VAMP7: variants seen among roughly 807,000 people sequenced by gnomAD.
The protein encoded by VAMP7 is vesicle-associated membrane protein 7.
VAMP7 carries 14 observed loss-of-function variants against 29.6 expected under a neutral mutation model. The ratio of observed to expected loss-of-function variants is 0.47; its 90% CI spans 0.31 to 0.74. The LOEUF (loss-of-function observed/expected upper bound fraction) is 0.74. Ranked by LOEUF, VAMP7 falls within the 30% of genes least tolerant of loss-of-function variation. VAMP7 has a pLI of 0.05. For missense variants in VAMP7, 223 were observed against 262.4 expected, an observed-to-expected ratio of 0.85 and a Z score of 1.04; for synonymous variants, 95 against 88.1, an observed-to-expected ratio of 1.08 and a Z score of -0.44.
chrX:155,925,317 A>G (rs947942815), intron 6 of VAMP7, among the ~76,000 whole-genome samples: 3 of 152,194 alleles, frequency 2.0e-5, no homozygotes, highest in Non-Finnish European at 4.4e-5. Context: ...ATCATTATCT[A>G]TGGCAGCTAT....
intron 6 of VAMP7, among the ~76,000 whole-genome samples, chrX:155,926,485 T>G (rs2066469082): frequency 6.6e-6 from 1 of 152,248 alleles, no homozygotes; most frequent in South Asian, 2.1e-4. Context: ...CTCGCCTCTC[T>G]CAGCCTTCAT....
chrX:155,884,502 A>C (rs2065843491), intron 1 of VAMP7, among the ~76,000 whole-genome samples: 1 of 152,224 alleles, frequency 6.6e-6, no homozygotes, highest in South Asian at 2.1e-4. Flanking sequence ...TTGTCTTTAT[A>C]ACTGATTAAA....
intron 2 of VAMP7, among the ~76,000 whole-genome samples, chrX:155,890,906 C>T (rs2065919005): frequency 1.3e-5 from 2 of 152,112 alleles, no homozygotes; most frequent in Non-Finnish European, 2.9e-5. Flanking sequence ...GAGAGACCCC[C>T]AAGATACAGT....
Position 155,930,082 on chromosome X carries a change from C to T in VAMP7, c.502-9619C>T, listed in dbSNP as rs768545302. 1.9e-3 allele frequency among the ~76,000 whole-genome samples: 282 copies of T among 152,312 alleles called. 2 individuals carry two copies. The highest frequency in any genetic ancestry group is 6.4e-3 in the African/African-American group (267 of 41,576). On this transcript the variant is annotated intron_variant, in intron 6 of 7. Coordinates refer to ENST00000286448, the MANE Select transcript of VAMP7 (RefSeq NM_005638.6). ...GTCCTCTTCCCATGGAGTCAGGACA[C>T]GTTGCTCTCTTGGCATCAGTGTGTG...
intron 2 of VAMP7, among the ~76,000 whole-genome samples, chrX:155,894,551 T>C (rs1357180343): frequency 6.6e-6 from 1 of 152,078 alleles, no homozygotes; most frequent in East Asian, 1.9e-4. Flanking sequence ...TATTAGGTGC[T>C]GTTTTACCTC....
chrX:155,909,087 A>G (rs2066195299), intron 5 of VAMP7, among the ~76,000 whole-genome samples: 2 of 152,172 alleles, frequency 1.3e-5, no homozygotes, highest in Non-Finnish European at 2.9e-5. Flanking sequence ...TCAGCCTACC[A>G]AAGTGCTAGG....
chrX:155,908,568 G>C (rs753383823), intron 5 of VAMP7, among the ~76,000 whole-genome samples: 58 of 150,418 alleles, frequency 3.9e-4, no homozygotes, highest in Non-Finnish European at 5.8e-4. Flanking sequence ...GAGTGAGAGG[G>C]GGAGGGGGAG....
chrX:155,919,410 T>G (rs1207056698), intron 5 of VAMP7, among the ~76,000 whole-genome samples: 1 of 152,224 alleles, frequency 6.6e-6, no homozygotes, highest in Non-Finnish European at 1.5e-5. Context: ...ATTTCTATGG[T>G]CACTTCTTCC....
At chrX:155,910,248 C>A (rs2124314522) in intron 5 of VAMP7, among the ~76,000 whole-genome samples, 1 of 152,276 alleles carries the variant, frequency 6.6e-6, no homozygotes, top group Non-Finnish European at 1.5e-5. Flanking sequence ...AACATAATAA[C>A]CTCCAGTTAC....
At chrX:155,928,060 C>T (rs1254278914) in intron 6 of VAMP7, among the ~76,000 whole-genome samples, 4 of 151,690 alleles carry the variant, frequency 2.6e-5, no homozygotes, top group Non-Finnish European at 5.9e-5. Context: ...AGTAGGAGGA[C>T]CACAGGCATG....
intron 6 of VAMP7, among the ~76,000 whole-genome samples, chrX:155,936,780 G>T (rs184866372): frequency 3.9e-5 from 6 of 152,290 alleles, no homozygotes; most frequent in East Asian, 1.9e-4. Context: ...CGTTGCTCAC[G>T]CTGGGGGCTG....
intron 5 of VAMP7, among the ~76,000 whole-genome samples, chrX:155,911,367 G>T (rs1449949960): frequency 1.3e-5 from 2 of 152,090 alleles, no homozygotes; most frequent in Non-Finnish European, 2.9e-5. Context: ...AATATGTTTT[G>T]AAGTCAGGTA....
chrX:155,941,552 AT>A (rs1356937242), intron 7 of VAMP7, among the ~76,000 whole-genome samples: 1 of 152,022 alleles, frequency 6.6e-6, no homozygotes, highest in African/African-American at 2.4e-5. Flanking sequence ...GTTATTTGTG[AT>A]TTTTTTATGA....
intron 5 of VAMP7, among the ~76,000 whole-genome samples, chrX:155,908,307 G>A (rs1363254996): frequency 3.3e-5 from 5 of 152,212 alleles, no homozygotes; most frequent in African/African-American, 7.2e-5. Context: ...CTGCAATCCC[G>A]GCACCTCGGG....
In VAMP7 at chrX:155,942,341, T is replaced by C. The variant is rs2066758425; in HGVS notation, c.*390T>C. On this transcript the variant is annotated 3_prime_UTR_variant, in exon 8 of 8. Coordinates refer to ENST00000286448, the MANE Select transcript of VAMP7 (RefSeq NM_005638.6). ...ACACAAAAGTATTCAAGAGACAGTA[T>C]TGCTAACATCTCATCTTAATGTCTT... The C allele has an allele frequency of 3.2e-6, 2 of 626,896 alleles. No homozygotes were observed. The highest frequency in any genetic ancestry group is 2.8e-5 in the East Asian group (1 of 36,204). 38.8% of individuals were successfully genotyped at this position (626,896 alleles called of 1,614,324 possible). A position where few individuals can be genotyped will look rare whatever the true frequency, so the allele number is the denominator to read the frequency against.
At chrX:155,925,001 G>A (rs1181278106) in intron 6 of VAMP7, among the ~76,000 whole-genome samples, 2 of 152,172 alleles carry the variant, frequency 1.3e-5, no homozygotes, top group Non-Finnish European at 2.9e-5. Flanking sequence ...CCTTGCCCAT[G>A]CATAAGAAAC....
intron 5 of VAMP7, among the ~76,000 whole-genome samples, chrX:155,903,957 A>G (rs755455465): frequency 2.0e-5 from 3 of 152,034 alleles, no homozygotes; most frequent in Admixed American, 6.6e-5. Flanking sequence ...AACCAACCCA[A>G]ATGTCCAACA....
chrX:155,938,052 T>C (rs1329353770), intron 6 of VAMP7, among the ~76,000 whole-genome samples: 1 of 152,204 alleles, frequency 6.6e-6, no homozygotes, highest in Non-Finnish European at 1.5e-5. Flanking sequence ...TTATCTAATT[T>C]TTTATGTCCT....
chrX:155,941,936 C>T lies in VAMP7; in HGVS notation c.648C>T (p.Ser216=). 6.2e-7 allele frequency: 1 copy of T among 1,613,672 alleles called. No homozygotes were observed. Among genetic ancestry groups the T allele is most frequent in the Non-Finnish European group, 8.5e-7 (1 of 1,179,800 alleles). ...TCTGTGGTGGATTTACATGGCCAAG[C>T]TGTGTGAAGAAATAGGAAAGAAGAA... The part of the protein sequence containing the change: ...SPLCGGFTWP[S]CVKK Residue 216 remains serine, a synonymous_variant, in exon 8 of 8, where the codon AGC becomes AGT. Transcript: ENST00000286448.
Sources: gnomAD v4.1 joint callset for allele counts (sites outside exome capture counted in the v4.1 genomes callset) on GRCh38, gnomAD v4.1.1 for gene constraint, MANE v1.5 for transcripts, NCBI Gene and HGNC (gene_info 2026-07-23, HGNC 2026-07-21) for gene names.